HEMK2: variants seen among roughly 807,000 people sequenced by gnomAD.
HEMK2 encodes the protein HemK methyltransferase 2, ETF1 glutamine and histone H4 lysine.
chr21:28,775,250 C>A, the HEMK2 span, among the ~76,000 whole-genome samples: 1 of 152,078 alleles, frequency 6.6e-6, no homozygotes, highest in Non-Finnish European at 1.5e-5. Flanking sequence ...TAGAGATGAT[C>A]ATTTACTGAA....
At chr21:28,595,603 AT>A in the HEMK2 span, among the ~76,000 whole-genome samples, 8 of 152,188 alleles carry the variant, frequency 5.3e-5, no homozygotes, top group Middle Eastern at 3.4e-3. Flanking sequence ...TTGCTTCCAA[AT>A]TTTGGCTATC....
chr21:28,649,115 G>T, the HEMK2 span, among the ~76,000 whole-genome samples: 1 of 152,060 alleles, frequency 6.6e-6, no homozygotes, highest in Non-Finnish European at 1.5e-5. Flanking sequence ...GGACATGACT[G>T]TGTTTTCTTC....
At chr21:28,585,984 T>G in the HEMK2 span, among the ~76,000 whole-genome samples, 1 of 152,198 alleles carries the variant, frequency 6.6e-6, no homozygotes, top group Non-Finnish European at 1.5e-5. Flanking sequence ...CTAAGATTCA[T>G]GAATTATAAG....
the HEMK2 span, among the ~76,000 whole-genome samples, chr21:28,778,709 C>T: frequency 6.6e-6 from 1 of 152,192 alleles, no homozygotes; most frequent in African/African-American, 2.4e-5. Context: ...TTTTTGCCGT[C>T]TTATATCTTC....
chr21:28,590,274 A>G, the HEMK2 span, among the ~76,000 whole-genome samples: 58,547 of 151,998 alleles, frequency 0.39, 11,683 homozygotes, highest in Middle Eastern at 0.48. Context: ...CAAGCTGTTG[A>G]AGAAACTGGA....
chr21:28,653,027 T>C, the HEMK2 span, among the ~76,000 whole-genome samples: 2 of 152,090 alleles, frequency 1.3e-5, no homozygotes, highest in African/African-American at 4.8e-5. Context: ...AACCCTCCCC[T>C]TAATTTGCAT....
chr21:28,836,438 G>T, the HEMK2 span, among the ~76,000 whole-genome samples: 4 of 151,916 alleles, frequency 2.6e-5, no homozygotes, highest in African/African-American at 7.3e-5. Flanking sequence ...CAAATGCTAA[G>T]AGAATTCGCC....
chr21:28,786,248 G>C, the HEMK2 span, among the ~76,000 whole-genome samples: 6 of 152,180 alleles, frequency 3.9e-5, no homozygotes, highest in African/African-American at 1.4e-4. Context: ...TTATCTCTCA[G>C]CTTCACAAGG....
the HEMK2 span, among the ~76,000 whole-genome samples, chr21:28,871,142 G>C: frequency 6.6e-6 from 1 of 152,194 alleles, no homozygotes; most frequent in Admixed American, 6.5e-5. Context: ...CACAATTTTA[G>C]TAAAGTGTAA....
the HEMK2 span, among the ~76,000 whole-genome samples, chr21:28,614,980 T>C: frequency 2.0e-5 from 3 of 152,304 alleles, no homozygotes; most frequent in African/African-American, 7.2e-5. Flanking sequence ...AACGTTTCTC[T>C]GGAATGCATG....
At chr21:28,800,582 T>C in the HEMK2 span, among the ~76,000 whole-genome samples, 1 of 152,144 alleles carries the variant, frequency 6.6e-6, no homozygotes, top group Non-Finnish European at 1.5e-5. Context: ...TGTATCTGTG[T>C]GTATGTAAAT....
the HEMK2 span, among the ~76,000 whole-genome samples, chr21:28,796,720 A>G: frequency 6.6e-6 from 1 of 151,934 alleles, no homozygotes; most frequent in Non-Finnish European, 1.5e-5. Context: ...ACATGCCACT[A>G]TACTCAGCTA....
the HEMK2 span, among the ~76,000 whole-genome samples, chr21:28,802,010 G>C: frequency 2.0e-5 from 3 of 152,252 alleles, no homozygotes; most frequent in East Asian, 5.8e-4. Flanking sequence ...CTTTGGCTAA[G>C]CAATTCTACT....
the HEMK2 span, among the ~76,000 whole-genome samples, chr21:28,841,418 T>TCTATATA: frequency 5.2e-5 from 2 of 38,748 alleles, 1 homozygote; most frequent in African/African-American, 3.1e-4. Context: ...ATATATATTA[T>TCTATATA]ATATATAAAA....
chr21:28,778,103 T>G, the HEMK2 span, among the ~76,000 whole-genome samples: 2 of 152,202 alleles, frequency 1.3e-5, no homozygotes, highest in Admixed American at 1.3e-4. Context: ...GCTCAGCTTT[T>G]ATATAACCAC....
chr21:28,765,977 A>T, the HEMK2 span, among the ~76,000 whole-genome samples: 1 of 152,132 alleles, frequency 6.6e-6, no homozygotes, highest in African/African-American at 2.4e-5. Flanking sequence ...TGCAGCCATA[A>T]AAAAGAATGA....
At chr21:28,677,520 G>A in the HEMK2 span, among the ~76,000 whole-genome samples, 1 of 152,214 alleles carries the variant, frequency 6.6e-6, no homozygotes, top group Non-Finnish European at 1.5e-5. Flanking sequence ...AGACTTAAAT[G>A]TCCCTGTCTG....
the HEMK2 span, among the ~76,000 whole-genome samples, chr21:28,811,445 C>G: frequency 6.2e-5 from 7 of 113,256 alleles, no homozygotes; most frequent in African/African-American, 2.6e-4. Flanking sequence ...GGGACGGACG[C>G]AGGGAGGGAG....
the HEMK2 span, among the ~76,000 whole-genome samples, chr21:28,730,418 A>ACACAATTTAT: frequency 0.078 from 11,019 of 142,088 alleles, 660 homozygotes; most frequent in East Asian, 0.16. Flanking sequence ...ACACACACAC[A>ACACAATTTAT]TTTCTCACAA....
Sources: gnomAD v4.1 joint callset for allele counts (sites outside exome capture counted in the v4.1 genomes callset) on GRCh38, gnomAD v4.1.1 for gene constraint, MANE v1.5 for transcripts, NCBI Gene and HGNC (gene_info 2026-07-23, HGNC 2026-07-21) for gene names.